The following DLGAP2 variants were observed in gnomAD, a reference collection of about 807,000 sequenced individuals.
The protein encoded by DLGAP2 is DLG associated protein 2, also known as disks large-associated protein 2.
In DLGAP2, 26 loss-of-function variants were observed where a neutral mutation model predicts 100.3. That is an observed-to-expected ratio of 0.26 (90% CI 0.19 to 0.36). The LOEUF is 0.36. DLGAP2 is among the 10% of genes least tolerant of loss of function. The pLI is 1.00. For synonymous variants in DLGAP2, 886 were observed against 630.1 expected (o/e 1.41, Z -6.08); for missense variants, 1,858 against 1,453.2 (o/e 1.28, Z -4.53).
chr8:1,060,516 C>T (rs1370821429), intron 2 of DLGAP2, among the ~76,000 whole-genome samples: 1 of 151,724 alleles, frequency 6.6e-6, no homozygotes, highest in Non-Finnish European at 1.5e-5. Context: ...GTCTCTGTGT[C>T]CTGAGCGTCT....
chr8:1,155,750 G>C (rs1796772021), intron 2 of DLGAP2, among the ~76,000 whole-genome samples: 1 of 152,164 alleles, frequency 6.6e-6, no homozygotes. Context: ...CCTGGAGCGC[G>C]GGGCCTTGGT....
At chr8:1,563,846 C>T (rs907201411) in intron 5 of DLGAP2, among the ~76,000 whole-genome samples, 2 of 152,164 alleles carry the variant, frequency 1.3e-5, no homozygotes, top group African/African-American at 4.8e-5. Flanking sequence ...TGTCGATCGG[C>T]TCACAGGCAA....
At chr8:1,001,354 C>A (rs116620081) in intron 2 of DLGAP2, among the ~76,000 whole-genome samples, 5 of 152,138 alleles carry the variant, frequency 3.3e-5, no homozygotes, top group East Asian at 3.9e-4. Flanking sequence ...GTTTGTGTTA[C>A]GTCCATGTAT....
At chr8:798,007 C>G (rs548028022) in intron 1 of DLGAP2, among the ~76,000 whole-genome samples, 58 of 152,338 alleles carry the variant, frequency 3.8e-4, no homozygotes, top group African/African-American at 1.4e-3. Flanking sequence ...ACCTCGGCCT[C>G]CCAAAGTGCT....
intron 3 of DLGAP2, among the ~76,000 whole-genome samples, chr8:1,273,316 C>A (rs910942104): frequency 1.3e-5 from 2 of 152,114 alleles, no homozygotes; most frequent in African/African-American, 4.8e-5. Context: ...GAGAGCCCTG[C>A]TGGGGACTTG....
In DLGAP2 at chr8:1,535,888, T is replaced by A. The variant is rs1027748829; in HGVS notation, c.173-12738T>A. 3.9e-5 allele frequency among the ~76,000 whole-genome samples: 6 copies of A among 152,184 alleles called. No individual in the cohort carries two copies. The South Asian group carries it at 1.2e-3, about 32-fold the overall frequency. The stretch of plus-strand genomic sequence containing the variant: ...GATGACTAGGGCATGGACGGTGCTG[T>A]GGATGGATGGTGTTGGTGGTCAGCC... On this transcript the variant is annotated intron_variant, in intron 4 of 14. Coordinates refer to ENST00000637795, the MANE Select transcript of DLGAP2 (RefSeq NM_001346810.2).
intron 3 of DLGAP2, among the ~76,000 whole-genome samples, chr8:1,486,487 C>T (rs921355627): frequency 5.3e-5 from 8 of 152,168 alleles, no homozygotes; most frequent in African/African-American, 1.7e-4. Flanking sequence ...AGTAGTTTGC[C>T]TTGGAGAGGG....
chr8:1,623,911 G>C (rs139791727), intron 6 of DLGAP2, among the ~76,000 whole-genome samples: 1 of 152,212 alleles, frequency 6.6e-6, no homozygotes, highest in Admixed American at 6.5e-5. Context: ...ACATTTATGT[G>C]TCACACTCCA....
rs1048065828 is a variant in DLGAP2 at position 1,165,394 on chromosome 8, G to A, written c.74-93457G>A. Among the ~76,000 whole-genome samples the A allele has an allele frequency of 9.9e-5, 15 of 152,226 alleles. 1 individual carries two copies. The highest frequency in any genetic ancestry group is 3.6e-4 in the African/African-American group (15 of 41,460). On this transcript the variant is annotated intron_variant, in intron 2 of 14. Transcript: ENST00000637795. Reference sequence around the variant, plus strand: ...CCAAGCGCTGGCACAGCCGGGCTCGGGTCTTAGGGGACAGGTGCTGTGATC... The same window carrying A: ...CCAAGCGCTGGCACAGCCGGGCTCGAGTCTTAGGGGACAGGTGCTGTGATC...
chr8:945,842 G>C (rs565490030), intron 2 of DLGAP2, among the ~76,000 whole-genome samples: 1 of 151,900 alleles, frequency 6.6e-6, no homozygotes, highest in African/African-American at 2.4e-5. Context: ...CTCTCTCTGC[G>C]TGTGTCTCTT....
At chr8:1,589,625 G>A (rs1393869358) in intron 6 of DLGAP2, among the ~76,000 whole-genome samples, 1 of 152,072 alleles carries the variant, frequency 6.6e-6, no homozygotes, top group Non-Finnish European at 1.5e-5. Context: ...TTTTGTTATT[G>A]TTTGTAGAGA....
intron 2 of DLGAP2, among the ~76,000 whole-genome samples, chr8:927,992 G>C (rs984868807): frequency 6.6e-6 from 1 of 152,210 alleles, no homozygotes; most frequent in Admixed American, 6.5e-5. Flanking sequence ...AGGGAAGCAC[G>C]TGTGTGCAGT....
In DLGAP2 at chr8:1,178,826, C is replaced by T. The variant is rs540113830; in HGVS notation, c.74-80025C>T. Among the ~76,000 whole-genome samples the T allele has an allele frequency of 7.9e-5, 12 of 152,298 alleles. No individual in the cohort carries two copies. In the South Asian group the frequency reaches 2.5e-3, roughly 32 times the overall value. On this transcript the variant is annotated intron_variant, in intron 2 of 14. Transcript: ENST00000637795. ...GTGCCCACCGCCAGCATCTGTCCAC[C>T]CTGGTTTCTCACAAGAGGGTGTGGG...
At chr8:1,101,219 A>G (rs1418855575) in intron 2 of DLGAP2, among the ~76,000 whole-genome samples, 2 of 152,208 alleles carry the variant, frequency 1.3e-5, no homozygotes, top group African/African-American at 4.8e-5. Context: ...AGAACTGCCG[A>G]ATGGAACTGG....
At chr8:841,277 C>T (rs1375181567) in intron 1 of DLGAP2, among the ~76,000 whole-genome samples, 4 of 152,172 alleles carry the variant, frequency 2.6e-5, no homozygotes, top group South Asian at 2.1e-4. Flanking sequence ...GCATGGCGCA[C>T]GTTTGGCATC....
At chr8:1,205,076 G>C (rs1585150543) in intron 2 of DLGAP2, among the ~76,000 whole-genome samples, 1 of 152,172 alleles carries the variant, frequency 6.6e-6, no homozygotes, top group South Asian at 2.1e-4. Flanking sequence ...AATGTGGTTG[G>C]GTTTCCTGTG....
At chr8:1,693,784 C>A (rs1054463044) in intron 13 of DLGAP2, among the ~76,000 whole-genome samples, 7 of 152,218 alleles carry the variant, frequency 4.6e-5, no homozygotes, top group Admixed American at 4.6e-4. Context: ...TTATAATCAT[C>A]ATTTAAAAGA....
intron 10 of DLGAP2, among the ~76,000 whole-genome samples, chr8:1,675,874 G>A (rs1798799811): frequency 6.6e-6 from 1 of 151,880 alleles, no homozygotes; most frequent in African/African-American, 2.4e-5. Context: ...TCCCTTGTGG[G>A]ATAACTTCAC....
chr8:1,124,709 G>A (rs541249621), intron 2 of DLGAP2, among the ~76,000 whole-genome samples: 17 of 152,268 alleles, frequency 1.1e-4, no homozygotes, highest in African/African-American at 4.1e-4. Flanking sequence ...ACTATCTTTT[G>A]AAATACAGAT....
Sources: gnomAD v4.1 joint callset for allele counts (sites outside exome capture counted in the v4.1 genomes callset) on GRCh38, gnomAD v4.1.1 for gene constraint, MANE v1.5 for transcripts, NCBI Gene and HGNC (gene_info 2026-07-23, HGNC 2026-07-21) for gene names.